Variants in ROBO2 observed in about 807,000 individuals in gnomAD.
ROBO2 encodes roundabout homolog 2.
Under a neutral mutation model 160.8 loss-of-function variants are expected in ROBO2, and 53 were observed. The ratio of observed to expected loss-of-function variants is 0.33; its 90% CI spans 0.26 to 0.41. The LOEUF (loss-of-function observed/expected upper bound fraction) is 0.41, where lower values mean the gene tolerates loss of function less well. Ranked by LOEUF, ROBO2 falls within the 10% of genes least tolerant of loss-of-function variation. ROBO2 has a pLI of 1.00. For missense variants in ROBO2, 1,577 were observed against 1,722.4 expected (o/e 0.92, Z 1.49); for synonymous variants, 664 against 611.7 (o/e 1.09, Z -1.26).
intron 2 of ROBO2, among the ~76,000 whole-genome samples, chr3:76,836,565 C>A (rs1353587942): frequency 1.3e-5 from 2 of 151,180 alleles, no homozygotes. Context: ...TTTATTTGAT[C>A]CACATACTTT....
intron 6 of ROBO2, among the ~76,000 whole-genome samples, chr3:77,543,347 C>A (rs1320842352): frequency 6.6e-6 from 1 of 152,178 alleles, no homozygotes; most frequent in Admixed American, 6.5e-5. Context: ...CCTGTACCAA[C>A]CAGAATGTAT....
chr3:77,615,621 T>G (rs1391446807), intron 21 of ROBO2, among the ~76,000 whole-genome samples: 1 of 152,178 alleles, frequency 6.6e-6, no homozygotes, highest in Non-Finnish European at 1.5e-5. Flanking sequence ...TTTCACTTGG[T>G]GATATGCGTT....
intron 2 of ROBO2, among the ~76,000 whole-genome samples, chr3:76,835,985 T>TC (rs1366791149): frequency 6.6e-6 from 1 of 151,956 alleles, no homozygotes; most frequent in Non-Finnish European, 1.5e-5. Flanking sequence ...GAACTAGGTC[T>TC]CCCCCATCTA....
intron 1 of ROBO2, among the ~76,000 whole-genome samples, chr3:77,049,048 G>A (rs545397569): frequency 5.3e-5 from 8 of 152,248 alleles, no homozygotes; most frequent in African/African-American, 1.4e-4. Context: ...TTTAGCCTGG[G>A]CTCGGCGCAG....
intron 2 of ROBO2, among the ~76,000 whole-genome samples, chr3:76,813,048 C>A (rs1446456305): frequency 6.7e-6 from 1 of 150,020 alleles, no homozygotes; most frequent in Non-Finnish European, 1.5e-5. Context: ...ACTGAGCAAG[C>A]TTTGGAACTT....
At chr3:76,806,640 TA>T (rs1337472816) in intron 2 of ROBO2, among the ~76,000 whole-genome samples, 1 of 152,028 alleles carries the variant, frequency 6.6e-6, no homozygotes, top group Non-Finnish European at 1.5e-5. Context: ...ACTCGTCATT[TA>T]AAACTATGCA....
intron 2 of ROBO2, among the ~76,000 whole-genome samples, chr3:76,800,705 G>A (rs2064131320): frequency 6.6e-6 from 1 of 152,120 alleles, no homozygotes; most frequent in African/African-American, 2.4e-5. Context: ...AGGCTTATAT[G>A]CAAAAGGCAG....
chr3:75,906,876 C>G (rs1946367407), exon 1 of ROBO2: 1 of 152,272 alleles, frequency 6.6e-6, no homozygotes, highest in African/African-American at 2.4e-5. Context: ...GCGCTGCCCT[C>G]GTTATTCACA....
intron 5 of ROBO2, among the ~76,000 whole-genome samples, chr3:77,515,198 A>G (rs1373688278): frequency 6.6e-6 from 1 of 151,712 alleles, no homozygotes; most frequent in Non-Finnish European, 1.5e-5. Context: ...CTTAAGGTAA[A>G]TATTCATAAA....
intron 5 of ROBO2, among the ~76,000 whole-genome samples, chr3:77,518,503 A>G (rs925010321): frequency 3.3e-5 from 5 of 151,466 alleles, no homozygotes; most frequent in African/African-American, 9.7e-5. Context: ...GGGACATAAC[A>G]AGACATGTAT....
chr3:77,035,665 G>A (rs915871272), upstream of ROBO2, among the ~76,000 whole-genome samples: 12 of 151,762 alleles, frequency 7.9e-5, no homozygotes, highest in African/African-American at 2.7e-4. Flanking sequence ...AAAATGAATC[G>A]AATCAAATCA....
chr3:76,558,755 A>C (rs1578141720), intron 2 of ROBO2, among the ~76,000 whole-genome samples: 1 of 152,112 alleles, frequency 6.6e-6, no homozygotes, highest in Non-Finnish European at 1.5e-5. Flanking sequence ...AACACTTGAA[A>C]CATTGAACAA....
chr3:77,362,200 C>G (rs183732769), intron 2 of ROBO2, among the ~76,000 whole-genome samples: 23 of 152,044 alleles, frequency 1.5e-4, no homozygotes, highest in African/African-American at 5.6e-4. Flanking sequence ...GTGAGGCTGA[C>G]TTTAGTCAGG....
At chr3:77,391,395 C>T (rs999959626) in intron 2 of ROBO2, among the ~76,000 whole-genome samples, 2 of 152,026 alleles carry the variant, frequency 1.3e-5, no homozygotes, top group African/African-American at 4.8e-5. Flanking sequence ...CAGCCTCAAC[C>T]TCCCCACCTC....
chr3:77,584,704 A>G (rs2093998678), intron 16 of ROBO2, among the ~76,000 whole-genome samples: 1 of 151,992 alleles, frequency 6.6e-6, no homozygotes, highest in Non-Finnish European at 1.5e-5. Flanking sequence ...TTAGTCATTC[A>G]GACTGAATTA....
chr3:77,586,304 A>G (rs796822291), intron 16 of ROBO2, among the ~76,000 whole-genome samples: 6 of 152,246 alleles, frequency 3.9e-5, no homozygotes, highest in African/African-American at 1.4e-4. Flanking sequence ...GCTTAATAGT[A>G]TAGTTATTGC....
intron 2 of ROBO2, among the ~76,000 whole-genome samples, chr3:76,520,402 G>A (rs967719411): frequency 2.0e-5 from 3 of 152,174 alleles, no homozygotes; most frequent in Non-Finnish European, 2.9e-5. Flanking sequence ...AGTGAGCCGA[G>A]ATTGTGCCAC....
intron 2 of ROBO2, among the ~76,000 whole-genome samples, chr3:76,119,894 T>C (rs929542428): frequency 2.1e-4 from 24 of 114,978 alleles, no homozygotes; most frequent in African/African-American, 8.3e-4. Context: ...TCCCTTCCCT[T>C]CCTTCCCTTC....
At chr3:77,196,546 G>T (rs1333550195) in intron 2 of ROBO2, among the ~76,000 whole-genome samples, 1 of 151,246 alleles carries the variant, frequency 6.6e-6, no homozygotes, top group East Asian at 1.9e-4. Context: ...GTTATGTTTT[G>T]CTCTTTTATA....
Sources: allele counts gnomAD v4.1 joint callset (sites outside exome capture counted in the v4.1 genomes callset), GRCh38; gene constraint gnomAD v4.1.1; transcripts MANE v1.5; gene names NCBI Gene and HGNC (gene_info 2026-07-23, HGNC 2026-07-21).